SCHIP1: variants seen among roughly 807,000 people sequenced by gnomAD.
The protein encoded by SCHIP1 is schwannomin interacting protein 1.
SCHIP1 carries 8 observed loss-of-function variants against 29.7 expected under a neutral mutation model. The observed-to-expected ratio is 0.27, with a 90% confidence interval of 0.16 to 0.49. SCHIP1 has a LOEUF of 0.49. Among genes scored for constraint, SCHIP1 ranks in the 20% least tolerant of loss-of-function variants. SCHIP1 has a pLI of 0.99. For missense variants in SCHIP1, 193 were observed against 294.6 expected, an observed-to-expected ratio of 0.66 and a Z score of 2.52; for synonymous variants, 76 against 94.9, an observed-to-expected ratio of 0.80 and a Z score of 1.16.
At chr3:159,319,219 C>T in the SCHIP1 span, among the ~76,000 whole-genome samples, 1,066 of 152,286 alleles carry the variant, frequency 7.0e-3, 12 homozygotes, top group African/African-American at 0.024. Flanking sequence ...GCAGAGCCTT[C>T]TCCTGTTCTG....
the SCHIP1 span, among the ~76,000 whole-genome samples, chr3:159,403,893 A>G: frequency 6.6e-6 from 1 of 152,126 alleles, no homozygotes; most frequent in Non-Finnish European, 1.5e-5. Flanking sequence ...TAAGGAGAGG[A>G]GAGGGAAGAG....
chr3:159,764,379 G>A, the SCHIP1 span: 2 of 1,504,776 alleles, frequency 1.3e-6, no homozygotes, highest in South Asian at 1.4e-5. The surrounding 1 kb of genome is among the most constrained non-coding windows in gnomAD (Gnocchi z 6.1). Flanking sequence ...GGGCATTTGG[G>A]GCGGGTGGCG....
At chr3:159,547,953 G>GTATTC in the SCHIP1 span, among the ~76,000 whole-genome samples, 1 of 152,084 alleles carries the variant, frequency 6.6e-6, no homozygotes, top group African/African-American at 2.4e-5. Flanking sequence ...ATTTTCTGTA[G>GTATTC]TATTCTATTA....
the SCHIP1 span, among the ~76,000 whole-genome samples, chr3:159,612,142 C>CA: frequency 3.3e-5 from 5 of 151,646 alleles, no homozygotes; most frequent in Non-Finnish European, 7.4e-5. Flanking sequence ...AAAACTGACT[C>CA]AAAAAAACTG....
the SCHIP1 span, among the ~76,000 whole-genome samples, chr3:159,276,237 CA>C: frequency 6.6e-6 from 1 of 152,176 alleles, no homozygotes; most frequent in African/African-American, 2.4e-5. Context: ...GCTACAGTCC[CA>C]ACAGGAGAAG....
At chr3:159,372,445 T>C in the SCHIP1 span, among the ~76,000 whole-genome samples, 3 of 152,198 alleles carry the variant, frequency 2.0e-5, no homozygotes, top group Non-Finnish European at 2.9e-5. Flanking sequence ...AATGTTTTTA[T>C]ACTTGATTGA....
At position 159,875,792 on chromosome 3, in the gene SCHIP1, G is replaced by A. The variant is rs142308378; in HGVS notation, c.149+9511G>A. On this transcript the variant is annotated intron_variant, in intron 2 of 6. Transcript: ENST00000445224. ...ATTGTTCTCATTCAGATTATTGCAC[G>A]CATTAAAAACCCATGGAAAGCCAGG... Among the ~76,000 whole-genome samples, 533 of 152,142 alleles carry A rather than the reference G, an allele frequency of 3.5e-3. 5 individuals carry two copies. The highest frequency in any genetic ancestry group is 0.012 in the African/African-American group (517 of 41,532).
chr3:159,396,562 T>G, the SCHIP1 span, among the ~76,000 whole-genome samples: 1 of 149,700 alleles, frequency 6.7e-6, no homozygotes, highest in Non-Finnish European at 1.5e-5. Context: ...AAGTATTTTA[T>G]TTCTCCTTCA....
chr3:159,469,317 C>G, the SCHIP1 span, among the ~76,000 whole-genome samples: 1 of 151,898 alleles, frequency 6.6e-6, no homozygotes. Context: ...GAAAAAGTAA[C>G]CTGGATTGGA....
At chr3:159,835,770 G>A (rs1269684450), upstream of SCHIP1, among the ~76,000 whole-genome samples, 3 of 152,096 alleles carry the variant, frequency 2.0e-5, no homozygotes, top group Non-Finnish European at 4.4e-5. Flanking sequence ...CCCCTTCCGG[G>A]TCAGTTCCTG....
the SCHIP1 span, among the ~76,000 whole-genome samples, chr3:159,491,976 AC>A: frequency 6.6e-6 from 1 of 152,190 alleles, no homozygotes; most frequent in African/African-American, 2.4e-5. Context: ...CACTGCTGAA[AC>A]CCAGGCAAAC....
chr3:159,683,438 G>GT, the SCHIP1 span, among the ~76,000 whole-genome samples: 1,056 of 151,734 alleles, frequency 7.0e-3, 6 homozygotes, highest in African/African-American at 0.024. Flanking sequence ...GCTCCATTGC[G>GT]TTTTTTTTCA....
the SCHIP1 span, among the ~76,000 whole-genome samples, chr3:159,712,778 G>A: frequency 1.3e-5 from 2 of 148,540 alleles, no homozygotes; most frequent in South Asian, 4.3e-4. Flanking sequence ...AGAGAGAGAG[G>A]AAGAAAGGAA....
the SCHIP1 span, among the ~76,000 whole-genome samples, chr3:159,606,074 T>G: frequency 1.3e-5 from 2 of 152,160 alleles, no homozygotes; most frequent in Admixed American, 1.3e-4. Context: ...CCCAGGTAGT[T>G]CTGTTCATAA....
At chr3:159,718,557 C>T in the SCHIP1 span, among the ~76,000 whole-genome samples, 2 of 152,268 alleles carry the variant, frequency 1.3e-5, no homozygotes, top group East Asian at 3.9e-4. Flanking sequence ...AATCAATGTG[C>T]AAAAATCACA....
At chr3:159,507,626 T>A in the SCHIP1 span, among the ~76,000 whole-genome samples, 3 of 152,186 alleles carry the variant, frequency 2.0e-5, no homozygotes, top group African/African-American at 7.2e-5. Flanking sequence ...CTCTTATTAT[T>A]TTGAGATACA....
chr3:159,547,872 A>T, the SCHIP1 span, among the ~76,000 whole-genome samples: 1 of 152,172 alleles, frequency 6.6e-6, no homozygotes, highest in Non-Finnish European at 1.5e-5. Flanking sequence ...CTTTTTGCTT[A>T]GGATTGTCTT....
At chr3:159,829,564 A>G in the SCHIP1 span, among the ~76,000 whole-genome samples, 1 of 152,204 alleles carries the variant, frequency 6.6e-6, no homozygotes. Flanking sequence ...TAATCTGTGC[A>G]AAGTATTTCT....
chr3:159,711,753 A>C, the SCHIP1 span, among the ~76,000 whole-genome samples: 1 of 152,178 alleles, frequency 6.6e-6, no homozygotes, highest in African/African-American at 2.4e-5. Context: ...TAAAGGGCAA[A>C]GGGCTTCAAC....
Sources: allele counts gnomAD v4.1 joint callset (sites outside exome capture counted in the v4.1 genomes callset), GRCh38; gene constraint gnomAD v4.1.1; non-coding constraint Gnocchi (gnomAD v3.1); transcripts MANE v1.5; gene names NCBI Gene and HGNC (gene_info 2026-07-23, HGNC 2026-07-21).